The following TENM1 variants were observed in gnomAD, a reference collection of about 807,000 sequenced individuals.
The protein encoded by TENM1 is teneurin transmembrane protein 1, also known as teneurin-1.
TENM1 carries 35 observed loss-of-function variants against 174.8 expected under a neutral mutation model. The observed-to-expected ratio is 0.20, with a 90% CI of 0.15 to 0.27. The LOEUF is 0.27. Among genes scored for constraint, TENM1 ranks in the 10% least tolerant of loss-of-function variants. The pLI, the probability that TENM1 is intolerant of heterozygous loss-of-function variation, is 1.00. For missense variants in TENM1, 1,633 were observed against 2,130.1 expected, an observed-to-expected ratio of 0.77 and a Z score of 4.59; for synonymous variants, 781 against 798.7, an observed-to-expected ratio of 0.98 and a Z score of 0.37.
chrX:124,842,730 T>G (rs2056527588), intron 3 of TENM1, among the ~76,000 whole-genome samples: 1 of 110,514 alleles, frequency 9.0e-6, no homozygotes, highest in African/African-American at 3.3e-5. Context: ...CATGACCTCA[T>G]CTAAACCTAA....
chrX:124,467,636 T>G (rs1387568101), intron 22 of TENM1, among the ~76,000 whole-genome samples: 2 of 112,333 alleles, frequency 1.8e-5, no homozygotes, highest in African/African-American at 6.5e-5. Flanking sequence ...TTAAATATTT[T>G]GACCATCATT....
intron 23 of TENM1, among the ~76,000 whole-genome samples, chrX:124,437,879 T>G (rs2060860781): frequency 8.9e-6 from 1 of 112,174 alleles, no homozygotes; most frequent in African/African-American, 3.2e-5. Context: ...TCCCCATGTT[T>G]ACTTTTCCAA....
intron 4 of TENM1, among the ~76,000 whole-genome samples, chrX:124,706,189 G>A (rs374057794): frequency 4.5e-5 from 5 of 112,297 alleles, no homozygotes; most frequent in African/African-American, 1.6e-4. Context: ...GGCGTGAGCC[G>A]CTGTGCCCGG....
the TENM1 span, among the ~76,000 whole-genome samples, chrX:125,113,422 C>T: frequency 1.8e-5 from 2 of 110,816 alleles, no homozygotes; most frequent in East Asian, 2.8e-4. Context: ...AATATTATAC[C>T]AGTCAGAATG....
chrX:124,932,733 A>G (rs16998136), intron 1 of TENM1, among the ~76,000 whole-genome samples: 10,253 of 111,660 alleles, frequency 0.092, 1,131 homozygotes, highest in African/African-American at 0.32. Flanking sequence ...GACCTTCAGC[A>G]TGAGTCTCAG....
intron 4 of TENM1, among the ~76,000 whole-genome samples, chrX:124,708,504 C>T (rs930720100): frequency 9.0e-6 from 1 of 111,536 alleles, no homozygotes; most frequent in Non-Finnish European, 1.9e-5. Flanking sequence ...AGAAGCCATT[C>T]ATTGCAATGT....
the TENM1 span, among the ~76,000 whole-genome samples, chrX:125,170,082 T>C: frequency 9.0e-6 from 1 of 111,417 alleles, no homozygotes; most frequent in Non-Finnish European, 1.9e-5. Flanking sequence ...TGCTGTAAAA[T>C]TTAAAGCTTG....
At chrX:124,742,996 T>C (rs1416768984) in intron 3 of TENM1, among the ~76,000 whole-genome samples, 2 of 111,640 alleles carry the variant, frequency 1.8e-5, no homozygotes, top group Non-Finnish European at 3.8e-5. Flanking sequence ...TTCTTATTAA[T>C]ATTAACTATT....
At chrX:124,591,919 T>G (rs751398665) in intron 11 of TENM1, among the ~76,000 whole-genome samples, 1 of 112,307 alleles carries the variant, frequency 8.9e-6, no homozygotes, top group Non-Finnish European at 1.9e-5. Context: ...GTTCATTTTT[T>G]TATCATTCTT....
intron 3 of TENM1, among the ~76,000 whole-genome samples, chrX:124,761,279 A>T (rs2054406277): frequency 9.0e-6 from 1 of 110,600 alleles, no homozygotes; most frequent in African/African-American, 3.3e-5. Flanking sequence ...AATAGCAAAG[A>T]CTTGGAGCCA....
intron 14 of TENM1, among the ~76,000 whole-genome samples, chrX:124,555,757 C>T (rs1445464186): frequency 8.9e-6 from 1 of 111,983 alleles, no homozygotes; most frequent in Non-Finnish European, 1.9e-5. Context: ...TAAGAAGAGA[C>T]AAGATGATGC....
chrX:124,665,594 T>C (rs2051738771), intron 6 of TENM1, among the ~76,000 whole-genome samples: 1 of 112,422 alleles, frequency 8.9e-6, no homozygotes, highest in African/African-American at 3.2e-5. Context: ...TCCAGGAGTA[T>C]ATCCCTTTTG....
chrX:124,641,438 T>C (rs2148371072), intron 11 of TENM1, among the ~76,000 whole-genome samples: 1 of 111,795 alleles, frequency 8.9e-6, no homozygotes, highest in South Asian at 3.8e-4. Context: ...CCAGTAGAAA[T>C]ATTTCGCAGA....
chrX:124,851,684 T>C (rs972941024), intron 3 of TENM1, among the ~76,000 whole-genome samples: 15 of 111,053 alleles, frequency 1.4e-4, no homozygotes, highest in African/African-American at 4.6e-4. Context: ...CCTTCCCTGA[T>C]GATCCAACCC....
chrX:125,194,990 T>C, the TENM1 span, among the ~76,000 whole-genome samples: 2 of 112,506 alleles, frequency 1.8e-5, no homozygotes, highest in Non-Finnish European at 3.8e-5. Flanking sequence ...AGTATGCTTA[T>C]ATATCTGTCT....
At chrX:124,514,755 C>T (rs967464216) in intron 18 of TENM1, among the ~76,000 whole-genome samples, 2 of 110,772 alleles carry the variant, frequency 1.8e-5, no homozygotes, top group African/African-American at 6.6e-5. Context: ...GGATTCACAG[C>T]GAAATTCTAG....
intron 5 of TENM1, among the ~76,000 whole-genome samples, chrX:124,694,219 G>T (rs1262158467): frequency 9.0e-6 from 1 of 111,321 alleles, no homozygotes; most frequent in Non-Finnish European, 1.9e-5. Context: ...GCTCTCATAT[G>T]CCAGGTCTGA....
the TENM1 span, among the ~76,000 whole-genome samples, chrX:125,136,909 C>G: frequency 9.0e-6 from 1 of 111,243 alleles, no homozygotes; most frequent in African/African-American, 3.3e-5. Context: ...CCATGGGGTC[C>G]TGGAACCAAT....
intron 3 of TENM1, among the ~76,000 whole-genome samples, chrX:124,775,807 C>T (rs1041748717): frequency 2.7e-5 from 3 of 111,974 alleles, no homozygotes; most frequent in Non-Finnish European, 5.6e-5. Flanking sequence ...TTGAACAACA[C>T]GGGTTGGAAC....
Sources: gnomAD v4.1 joint callset for allele counts (sites outside exome capture counted in the v4.1 genomes callset) on GRCh38, gnomAD v4.1.1 for gene constraint, MANE v1.5 for transcripts, NCBI Gene and HGNC (gene_info 2026-07-23, HGNC 2026-07-21) for gene names.